Variants in HIVEP1 observed in about 807,000 individuals in gnomAD.
The protein encoded by HIVEP1 is zinc finger protein 40.
A neutral mutation model predicts 180.0 loss-of-function variants in HIVEP1; 36 were observed. That is an observed-to-expected ratio of 0.20 (90% CI 0.15 to 0.26). The LOEUF (loss-of-function observed/expected upper bound fraction) is 0.26, where lower values mean the gene tolerates loss of function less well. HIVEP1 is among the 10% of genes least tolerant of loss of function. The pLI is 1.00. For synonymous variants in HIVEP1, 1,239 were observed against 1,239.0 expected (o/e 1.00, Z 0.00); for missense variants, 3,143 against 3,268.7 (o/e 0.96, Z 0.94).
intron 7 of HIVEP1, among the ~76,000 whole-genome samples, chr6:12,151,582 C>T (rs755336675): frequency 2.0e-5 from 3 of 152,186 alleles, no homozygotes; most frequent in Non-Finnish European, 4.4e-5. Flanking sequence ...GTCTTAACTT[C>T]CTTGTGGACG....
downstream of HIVEP1, among the ~76,000 whole-genome samples, chr6:12,167,640 C>CATGTTATATTACATGT (rs1562023596): frequency 5.2e-5 from 5 of 95,756 alleles, 2 homozygotes; most frequent in East Asian, 3.2e-4. Flanking sequence ...GTTATATATA[C>CATGTTATATTACATGT]ATATACATAT....
intron 2 of HIVEP1, among the ~76,000 whole-genome samples, chr6:12,019,377 T>C (rs1244966863): frequency 1.3e-5 from 2 of 152,218 alleles, no homozygotes; most frequent in African/African-American, 4.8e-5. Context: ...CATCAGCTCC[T>C]GAGATTAATT....
intron 7 of HIVEP1, among the ~76,000 whole-genome samples, chr6:12,142,535 G>A (rs992539002): frequency 2.0e-5 from 3 of 152,134 alleles, no homozygotes; most frequent in Non-Finnish European, 2.9e-5. Flanking sequence ...ACTAAGATCA[G>A]AGCAGAACTG....
chr6:12,056,995 C>T (rs1377419757), intron 2 of HIVEP1, among the ~76,000 whole-genome samples: 3 of 152,008 alleles, frequency 2.0e-5, no homozygotes, highest in Non-Finnish European at 2.9e-5. Flanking sequence ...CAGCACCACA[C>T]CTGACTAATT....
the HIVEP1 span, among the ~76,000 whole-genome samples, chr6:12,211,361 C>T: frequency 1.9e-5 from 2 of 106,110 alleles, no homozygotes; most frequent in African/African-American, 4.2e-5. Context: ...GATCGCGCCA[C>T]TGCACTCCAG....
Position 12,063,864 on chromosome 6 carries a change from C to G in HIVEP1, c.41-25320C>G, listed in dbSNP as rs1754497340. Among the ~76,000 whole-genome samples, 1 of 152,172 alleles carries G rather than the reference C, an allele frequency of 6.6e-6. No individual in the cohort carries two copies. The highest frequency in any genetic ancestry group is 1.5e-5 in the Non-Finnish European group (1 of 68,028). ...GGTAAAAATCATTGCATGTCCTAGA[C>G]CTTCCTGAGCACTGCAAACCTTGGG... is the stretch of plus-strand genomic sequence containing the variant. On this transcript the variant is annotated intron_variant, in intron 2 of 8. Transcript: ENST00000379388. This position sits in a 1 kb window ranked among gnomAD's most constrained non-coding sequence, Gnocchi z 4.2.
At chr6:12,148,457 T>G (rs2039263275) in intron 7 of HIVEP1, among the ~76,000 whole-genome samples, 1 of 152,206 alleles carries the variant, frequency 6.6e-6, no homozygotes, top group African/African-American at 2.4e-5. Flanking sequence ...CTTAGCCCAG[T>G]CAGTGAGGAT....
chr6:12,020,123 G>A, intron 2 of HIVEP1: 1 of 291,264 alleles, frequency 3.4e-6, no homozygotes. Flanking sequence ...GTGAGACAGT[G>A]TCCGACTTGA....
At chr6:12,017,236 TG>T (rs1403257678) in intron 2 of HIVEP1, among the ~76,000 whole-genome samples, 2 of 152,228 alleles carry the variant, frequency 1.3e-5, no homozygotes, top group Non-Finnish European at 2.9e-5. Context: ...TGTCTGGAAT[TG>T]GTGGGTTCTT....
the HIVEP1 span, among the ~76,000 whole-genome samples, chr6:12,184,820 G>GTAT: frequency 1.3e-5 from 2 of 152,092 alleles, no homozygotes; most frequent in African/African-American, 4.8e-5. Flanking sequence ...AAAGTGATAT[G>GTAT]TATTATTATT....
At chr6:12,053,611 G>A (rs1035297166) in intron 2 of HIVEP1, among the ~76,000 whole-genome samples, 3 of 152,078 alleles carry the variant, frequency 2.0e-5, no homozygotes, top group Non-Finnish European at 4.4e-5. Context: ...CTAGGTAAGG[G>A]CAGAATTGAT....
Position 12,017,063 on chromosome 6 carries a change from GTTAT to G in HIVEP1, c.40+1401_40+1404del, listed in dbSNP as rs902416843. On this transcript the variant is annotated intron_variant, in intron 2 of 8. Coordinates refer to ENST00000379388, the MANE Select transcript of HIVEP1 (RefSeq NM_002114.4). ...ACGAGTGCATGATTGATCTGAAGGT[GTTAT>G]TTATTAGGCCATAAGTATTAAACAT... Among the ~76,000 whole-genome samples the G allele has an allele frequency of 1.1e-4, 16 of 152,172 alleles. No homozygotes were observed. The South Asian group carries it at 1.2e-3, about 12-fold the overall frequency.
downstream of HIVEP1, among the ~76,000 whole-genome samples, chr6:12,167,868 A>G (rs146161773): frequency 0.024 from 3,447 of 141,124 alleles, 52 homozygotes; most frequent in Middle Eastern, 0.074. Flanking sequence ...TATATAATAT[A>G]TACACATGTA....
intron 2 of HIVEP1, among the ~76,000 whole-genome samples, chr6:12,035,692 G>T (rs915966629): frequency 2.5e-4 from 38 of 152,180 alleles, no homozygotes; most frequent in African/African-American, 8.7e-4. Flanking sequence ...GGGATTAACG[G>T]AGTGGATGTT....
At chr6:12,074,268 C>G (rs1772183638) in intron 2 of HIVEP1, among the ~76,000 whole-genome samples, 1 of 152,092 alleles carries the variant, frequency 6.6e-6, no homozygotes, top group Non-Finnish European at 1.5e-5. Flanking sequence ...TTTTTTCTTT[C>G]CTGTCTACTC....
At chr6:12,020,660 G>A (rs1306716573) in intron 2 of HIVEP1, among the ~76,000 whole-genome samples, 2 of 152,160 alleles carry the variant, frequency 1.3e-5, no homozygotes, top group East Asian at 3.8e-4. Context: ...AAAAGGAAAA[G>A]AGGTGTTACT....
chr6:12,010,998 G>A (rs1428115601), upstream of HIVEP1, among the ~76,000 whole-genome samples: 1 of 152,104 alleles, frequency 6.6e-6, no homozygotes, highest in East Asian at 1.9e-4. Context: ...GGCAGGCAGG[G>A]GTTAATTGCG....
Position 12,125,493 on chromosome 6 carries a change from G to A in HIVEP1, c.5698G>A (p.Val1900Ile), listed in dbSNP as rs764643335. The change falls in exon 4 of 9, where the codon GTT (valine) becomes ATT (isoleucine). Residue 1900 changes from valine to isoleucine, a missense_variant. Around this residue, in one of 12 missense-constraint regions of HIVEP1, gnomAD observed 1,357 missense variants for 1,260.5 expected, o/e 1.08. Coordinates refer to ENST00000379388, the MANE Select transcript of HIVEP1 (RefSeq NM_002114.4). The part of the protein sequence containing the change: ...DNNQERKSPG[V>I]KNQGDKVNIQ... ...TAACCAAGAAAGGAAGTCTCCAGGG[G>A]TTAAAAATCAAGGTGACAAAGTGAA... 1.1e-5 allele frequency: 17 copies of A among 1,614,062 alleles called. No homozygotes were observed. The highest frequency in any genetic ancestry group is 1.4e-5 in the Non-Finnish European group (17 of 1,179,998).
chr6:12,037,819 T>C, intron 2 of HIVEP1: 1 of 427,968 alleles, frequency 2.3e-6, no homozygotes, highest in Non-Finnish European at 4.2e-6. Flanking sequence ...CTTGTCCCCT[T>C]CCTGCTTTAG....
Sources: allele counts gnomAD v4.1 joint callset (sites outside exome capture counted in the v4.1 genomes callset), GRCh38; gene constraint gnomAD v4.1.1; regional missense constraint gnomAD v4.1.1; non-coding constraint Gnocchi (gnomAD v3.1); transcripts MANE v1.5; gene names NCBI Gene and HGNC (gene_info 2026-07-23, HGNC 2026-07-21).